The following CDH26 variants were observed in gnomAD, a reference collection of about 807,000 sequenced individuals.
CDH26 encodes the protein cadherin 26.
Under a neutral mutation model 90.3 loss-of-function variants are expected in CDH26, and 83 were observed. The ratio of observed to expected loss-of-function variants is 0.92; its 90% confidence interval spans 0.77 to 1.10. The LOEUF is 1.10. Among genes scored for constraint, CDH26 ranks in the 50% least tolerant of loss-of-function variants. The pLI is 0.00. For synonymous variants in CDH26, 397 were observed against 396.3 expected (o/e 1.00, Z -0.02); for missense variants, 1,013 against 1,037.6 (o/e 0.98, Z 0.33).
intron 13 of CDH26, among the ~76,000 whole-genome samples, chr20:59,999,289 T>G (rs945740488): frequency 6.6e-6 from 1 of 152,146 alleles, no homozygotes; most frequent in Non-Finnish European, 1.5e-5. Context: ...AAAGACAAGC[T>G]TTTCAATTCT....
chr20:60,028,535 A>G (rs1164215355), intron 7 of CDH26, among the ~76,000 whole-genome samples: 3 of 152,132 alleles, frequency 2.0e-5, no homozygotes, highest in African/African-American at 7.2e-5. Context: ...GGGAGAGAAA[A>G]GCTTGCAGAA....
intron 1 of CDH26, among the ~76,000 whole-genome samples, chr20:59,959,550 C>A (rs1601067399): frequency 6.6e-6 from 1 of 151,670 alleles, no homozygotes; most frequent in East Asian, 1.9e-4. Context: ...CAGGTGCACG[C>A]CACCATGCCC....
downstream of CDH26, among the ~76,000 whole-genome samples, chr20:60,015,050 T>C (rs2061893604): frequency 6.6e-6 from 1 of 152,218 alleles, no homozygotes; most frequent in South Asian, 2.1e-4. Flanking sequence ...TAGTGCAATC[T>C]CAGCTCACTG....
intron 7 of CDH26, among the ~76,000 whole-genome samples, chr20:60,024,397 T>C (rs2061981147): frequency 6.6e-6 from 1 of 152,240 alleles, no homozygotes; most frequent in Admixed American, 6.5e-5. Context: ...CTCACGTGTG[T>C]AGATGATGAT....
intron 9 of CDH26, 58 bp downstream of exon 9, chr20:59,989,221 GAGGGCTCCTGTTAGAAAACC>G: frequency 6.3e-7 from 1 of 1,595,812 alleles, no homozygotes; most frequent in African/African-American, 1.3e-5. Context: ...ACATAACCAA[GAGGGCTCCTGTTAGAAAACC>G]AGCTCGGCCG....
At chr20:60,016,737 T>C (rs1385823558), downstream of CDH26, among the ~76,000 whole-genome samples, 1 of 152,116 alleles carries the variant, frequency 6.6e-6, no homozygotes, top group African/African-American at 2.4e-5. Flanking sequence ...TAGTATGATG[T>C]TAGCTGTGGG....
At chr20:60,021,631 G>A (rs1025322891) in intron 7 of CDH26, among the ~76,000 whole-genome samples, 4 of 152,002 alleles carry the variant, frequency 2.6e-5, no homozygotes, top group Non-Finnish European at 5.9e-5. Flanking sequence ...GCTACAAAAT[G>A]TCAGCAGTTT....
intron 2 of CDH26, among the ~76,000 whole-genome samples, chr20:59,969,619 C>T (rs889537496): frequency 6.6e-6 from 1 of 152,196 alleles, no homozygotes; most frequent in Non-Finnish European, 1.5e-5. Flanking sequence ...CTAAGTCACT[C>T]TCTTTCTCTT....
chr20:59,988,956 ATGAG>A lies in CDH26; in HGVS notation c.1077_1080del (p.Asn359LysfsTer24), dbSNP rs747111724. 142 of 1,614,006 alleles carry A rather than the reference ATGAG, an allele frequency of 8.8e-5. No homozygotes were observed. The East Asian group carries it at 3.1e-3, about 36-fold the overall frequency. On this transcript the variant is annotated frameshift_variant, in exon 9 of 18. Transcript: ENST00000348616. LOFTEE classifies it high-confidence loss of function. ...CAAAGCCTCATCATTGTCGTGGAGA[ATGAG>A]GAGAGGCTCGTCTTCTGTGAGAGAG...
At chr20:59,994,597 T>G in intron 11 of CDH26, 108 bp downstream of exon 11, 1 of 1,393,922 alleles carries the variant, frequency 7.2e-7, no homozygotes, top group Non-Finnish European at 9.6e-7. Flanking sequence ...CGGAGAGGTC[T>G]GCGTTCTGGC....
At chr20:60,031,248 C>A (rs2062037530) in exon 8 of CDH26, 1 of 1,228,596 alleles carries the variant, frequency 8.1e-7, no homozygotes, top group African/African-American at 1.6e-5. Flanking sequence ...AGAGAAATCG[C>A]TTCAGCCTCA....
chr20:59,998,021 C>T (rs1289528928), intron 13 of CDH26, among the ~76,000 whole-genome samples: 2 of 152,240 alleles, frequency 1.3e-5, no homozygotes, highest in Non-Finnish European at 2.9e-5. Context: ...GGAGCAAGAT[C>T]CAAACTCTCC....
rs143325825 is a variant in CDH26 at position 59,989,105 on chromosome 20, G to A, written c.1225G>A (p.Ala409Thr). 2.2e-5 allele frequency: 35 copies of A among 1,614,190 alleles called. No individual in the cohort carries two copies. In the African/African-American group the frequency reaches 3.1e-4, roughly 14 times the overall value. ...QSFIVNKEEG[A>T]RPGTLLGTFN... is the part of the protein sequence containing the mutation. Reference sequence around the variant, plus strand: ...CTTCATTGTCAATAAAGAGGAGGGCGCCAGGCCTGGGACCCTGTTGGGAAC... The same window carrying A: ...CTTCATTGTCAATAAAGAGGAGGGCACCAGGCCTGGGACCCTGTTGGGAAC... Residue 409 changes from alanine to threonine, a missense_variant, in exon 9 of 18, where the codon GCC becomes ACC. Coordinates refer to ENST00000348616, the MANE Select transcript of CDH26 (RefSeq NM_177980.4).
intron 7 of CDH26, among the ~76,000 whole-genome samples, chr20:60,027,292 T>C (rs1235416013): frequency 6.6e-6 from 1 of 152,112 alleles, no homozygotes; most frequent in Non-Finnish European, 1.5e-5. Flanking sequence ...ATCTCTGTTG[T>C]TTTTTTCCCT....
downstream of CDH26, among the ~76,000 whole-genome samples, chr20:60,017,166 G>C (rs2061912297): frequency 6.6e-6 from 1 of 151,926 alleles, no homozygotes; most frequent in South Asian, 2.1e-4. Context: ...TTGTTTTGTG[G>C]AATTGTCTGA....
At position 59,994,383 on chromosome 20, in the gene CDH26, C is replaced by A. The variant is rs1157626545; in HGVS notation, c.1560C>A (p.Ile520=). 2 of 1,613,994 alleles carry A rather than the reference C, an allele frequency of 1.2e-6. No individual in the cohort carries two copies. The change falls in exon 11 of 18, where the codon ATC becomes ATA. Residue 520 remains isoleucine, a synonymous_variant. Transcript: ENST00000348616. ...CESAVHEPLH[I]EAEDPDLEPF... ...CTGCTGTGCATGAGCCCCTCCACAT[C>A]GAGGCAGAGGATCCGGACCTGGAGC...
intron 4 of CDH26, among the ~76,000 whole-genome samples, chr20:59,979,248 G>T (rs1302612092): frequency 4.7e-5 from 7 of 147,684 alleles, no homozygotes; most frequent in African/African-American, 1.8e-4. Flanking sequence ...CGCCAGGCTG[G>T]AATGCAGTGG....
At chr20:60,024,180 C>G (rs1172566208) in intron 7 of CDH26, among the ~76,000 whole-genome samples, 1 of 152,198 alleles carries the variant, frequency 6.6e-6, no homozygotes, top group East Asian at 1.9e-4. Context: ...CAAAGTGATT[C>G]CTCTGGGGGG....
intron 1 of CDH26, among the ~76,000 whole-genome samples, chr20:59,962,279 T>C (rs1349071849): frequency 6.6e-6 from 1 of 152,222 alleles, no homozygotes; most frequent in African/African-American, 2.4e-5. Context: ...AACCACAAAC[T>C]GGTACGTCGG....
Sources: gnomAD v4.1 joint callset for allele counts (sites outside exome capture counted in the v4.1 genomes callset) on GRCh38, gnomAD v4.1.1 for gene constraint, MANE v1.5 for transcripts, NCBI Gene and HGNC (gene_info 2026-07-23, HGNC 2026-07-21) for gene names.